COL5A2: variants seen among roughly 807,000 people sequenced by gnomAD.
COL5A2 encodes collagen alpha-2(V) chain.
COL5A2 carries 23 observed loss-of-function variants against 208.2 expected under a neutral mutation model. The ratio of observed to expected loss-of-function variants is 0.11; its 90% CI spans 0.08 to 0.16. The LOEUF (loss-of-function observed/expected upper bound fraction) is 0.16, where lower values mean the gene tolerates loss of function less well. COL5A2 is among the 10% of genes least tolerant of loss of function. COL5A2 has a pLI of 1.00. For missense variants in COL5A2, 1,590 were observed against 1,956.4 expected (o/e 0.81, Z 3.53); for synonymous variants, 625 against 628.5 (o/e 0.99, Z 0.08).
chr2:189,157,374 G>A lies in COL5A2; in HGVS notation c.97+22134C>T, dbSNP rs564045627. Among the ~76,000 whole-genome samples the A allele has an allele frequency of 5.3e-5, 8 of 151,974 alleles. No individual in the cohort carries two copies. In the East Asian group the frequency reaches 1.5e-3, roughly 29 times the overall value. ...AAAGTTAAAGGCAAAAAAGAAAAGA[G>A]TGGTACAGAAGAATTTAAAATATTC... On this transcript the variant is annotated intron_variant, in intron 1 of 53. Coordinates refer to ENST00000374866, the MANE Select transcript of COL5A2 (RefSeq NM_000393.5).
intron 1 of COL5A2, among the ~76,000 whole-genome samples, chr2:189,156,258 A>G (rs1688244853): frequency 6.6e-6 from 1 of 152,138 alleles, no homozygotes; most frequent in Non-Finnish European, 1.5e-5. Context: ...TTCAAGTTCC[A>G]TGAAGCTCAG....
the COL5A2 span, among the ~76,000 whole-genome samples, chr2:189,365,896 T>G: frequency 6.6e-6 from 1 of 152,058 alleles, no homozygotes; most frequent in South Asian, 2.1e-4. Context: ...ATGCTGAACT[T>G]AGACACCCCA....
At chr2:189,384,442 G>A in the COL5A2 span, among the ~76,000 whole-genome samples, 1 of 151,994 alleles carries the variant, frequency 6.6e-6, no homozygotes, top group African/African-American at 2.4e-5. Context: ...TTTGATAAAA[G>A]CCATTTTAAC....
At chr2:189,320,348 T>G in the COL5A2 span, among the ~76,000 whole-genome samples, 6 of 152,124 alleles carry the variant, frequency 3.9e-5, no homozygotes, top group African/African-American at 1.4e-4. Flanking sequence ...GAAGAAGGCT[T>G]CAGACGATCA....
At chr2:189,342,465 T>C in the COL5A2 span, among the ~76,000 whole-genome samples, 1 of 111,228 alleles carries the variant, frequency 9.0e-6, no homozygotes, top group African/African-American at 2.6e-5. Flanking sequence ...TATATATTTA[T>C]GCTTCTATTT....
At chr2:189,406,555 T>C in the COL5A2 span, among the ~76,000 whole-genome samples, 2 of 152,110 alleles carry the variant, frequency 1.3e-5, no homozygotes, top group African/African-American at 4.8e-5. Context: ...CACCAGAAAA[T>C]GTACTTCTTT....
intron 6 of COL5A2, among the ~76,000 whole-genome samples, chr2:189,092,623 G>T (rs1686812915): frequency 6.6e-6 from 1 of 152,030 alleles, no homozygotes; most frequent in Non-Finnish European, 1.5e-5. Flanking sequence ...ATGTGGTCTG[G>T]GTAAGAATTT....
chr2:189,110,157 G>T, intron 2 of COL5A2, 68 bp downstream of exon 2: 3 of 1,184,866 alleles, frequency 2.5e-6, no homozygotes, highest in Non-Finnish European at 3.8e-6. Context: ...AATGCTGAAA[G>T]TGAAAAACAC....
intron 1 of COL5A2, among the ~76,000 whole-genome samples, chr2:189,111,755 A>C (rs1371801945): frequency 6.6e-6 from 1 of 152,240 alleles, no homozygotes; most frequent in East Asian, 1.9e-4. Context: ...CAGGAAGTTT[A>C]TTAGAATGAG....
Position 189,194,826 on chromosome 2 carries a change from G to A in COL5A2, c.-42+30322C>T, listed in dbSNP as rs564039997. 1.6e-4 allele frequency among the ~76,000 whole-genome samples: 24 copies of A among 152,176 alleles called. No homozygotes were observed. In the East Asian group the frequency reaches 3.5e-3, roughly 22 times the overall value. On this transcript the variant is annotated intron_variant, in intron 1 of 10. Transcript: ENST00000649966. ...ACATGAAGGGATGTTGAATTCTGACGAAGGCCTTTTCTGCATCTATTGAGA... is the reference window on the plus strand; with the variant it reads ...ACATGAAGGGATGTTGAATTCTGACAAAGGCCTTTTCTGCATCTATTGAGA...
chr2:189,323,195 C>T, the COL5A2 span, among the ~76,000 whole-genome samples: 1 of 152,154 alleles, frequency 6.6e-6, no homozygotes, highest in East Asian at 1.9e-4. Context: ...CTATTTATGA[C>T]AAACCCACAG....
At chr2:189,434,150 C>G in the COL5A2 span, among the ~76,000 whole-genome samples, 1 of 152,250 alleles carries the variant, frequency 6.6e-6, no homozygotes, top group Middle Eastern at 3.4e-3. Context: ...TAAAAACTCT[C>G]AATAAATTAG....
chr2:189,048,662 C>T (rs1685720640), intron 44 of COL5A2, among the ~76,000 whole-genome samples: 2 of 152,136 alleles, frequency 1.3e-5, no homozygotes, highest in Admixed American at 1.3e-4. Context: ...TATTAAACTA[C>T]TTTAAGAAAT....
the COL5A2 span, among the ~76,000 whole-genome samples, chr2:189,293,808 A>G: frequency 6.6e-6 from 1 of 152,188 alleles, no homozygotes; most frequent in Non-Finnish European, 1.5e-5. Flanking sequence ...CCAGAGGGCC[A>G]GGAGCGGTGG....
At position 189,062,285 on chromosome 2, in the gene COL5A2, G is replaced by A. The variant is rs147914613; in HGVS notation, c.1977+580C>T. On this transcript the variant is annotated intron_variant, in intron 29 of 53. Transcript: ENST00000374866. ...TACAACCTCCGCCTCCCGGGTTCAAGTGATTCTCCTACCTCAGCCTCCTGA... is the reference window on the plus strand; with the variant it reads ...TACAACCTCCGCCTCCCGGGTTCAAATGATTCTCCTACCTCAGCCTCCTGA... Among the ~76,000 whole-genome samples the A allele has an allele frequency of 1.2e-3, 186 of 151,576 alleles. 1 individual carries two copies. The highest frequency in any genetic ancestry group is 4.2e-3 in the African/African-American group (173 of 41,286).
At chr2:189,276,889 T>C in the COL5A2 span, among the ~76,000 whole-genome samples, 1 of 152,128 alleles carries the variant, frequency 6.6e-6, no homozygotes, top group Non-Finnish European at 1.5e-5. Flanking sequence ...ATAAATTCTG[T>C]CTAAAAAATA....
intron 1 of COL5A2, among the ~76,000 whole-genome samples, chr2:189,200,551 G>T (rs1180609691): frequency 2.1e-5 from 3 of 143,146 alleles, no homozygotes; most frequent in East Asian, 2.0e-4. Flanking sequence ...AAAAGAGAGA[G>T]AATAAAACAG....
At chr2:189,375,405 GA>G in the COL5A2 span, among the ~76,000 whole-genome samples, 1 of 152,106 alleles carries the variant, frequency 6.6e-6, no homozygotes, top group African/African-American at 2.4e-5. Flanking sequence ...TCCTATCTTT[GA>G]TTTGTTGAAT....
the COL5A2 span, among the ~76,000 whole-genome samples, chr2:189,300,613 G>A: frequency 6.6e-6 from 1 of 152,188 alleles, no homozygotes; most frequent in Non-Finnish European, 1.5e-5. Flanking sequence ...ACATGTCCTT[G>A]AGGAGCTACA....
Sources: allele counts gnomAD v4.1 joint callset (sites outside exome capture counted in the v4.1 genomes callset), GRCh38; gene constraint gnomAD v4.1.1; transcripts MANE v1.5; gene names NCBI Gene and HGNC (gene_info 2026-07-23, HGNC 2026-07-21).